KCNG2: variants seen among roughly 807,000 people sequenced by gnomAD.
KCNG2 encodes the protein potassium voltage-gated channel modifier subfamily G member 2.
In KCNG2, 7 loss-of-function variants were observed where a neutral mutation model predicts 12.3. The observed-to-expected ratio is 0.57, with a 90% confidence interval of 0.32 to 1.07. KCNG2 has a LOEUF of 1.07. KCNG2 is among the 50% of genes least tolerant of loss of function. The probability of loss-of-function intolerance (pLI) is 0.04; values close to 1 mark genes in which losing one functional copy is unlikely to be tolerated. For missense variants in KCNG2, 703 were observed against 726.0 expected, an observed-to-expected ratio of 0.97 and a Z score of 0.36; for synonymous variants, 414 against 351.4, an observed-to-expected ratio of 1.18 and a Z score of -1.99.
chr18:79,817,213 C>T (rs113920299), intron 1 of KCNG2, among the ~76,000 whole-genome samples: 5 of 101,576 alleles, frequency 4.9e-5, no homozygotes, highest in African/African-American at 1.4e-4. Context: ...GGTTGTCACA[C>T]GGCTGCCACA....
intron 1 of KCNG2, among the ~76,000 whole-genome samples, chr18:79,809,382 C>T (rs2087474119): frequency 6.9e-6 from 1 of 145,700 alleles, no homozygotes. Flanking sequence ...CCAGAGTCCT[C>T]GCTCTGAGGA....
intron 3 of KCNG2, among the ~76,000 whole-genome samples, chr18:79,868,182 C>T (rs1979685979): frequency 6.6e-6 from 1 of 152,220 alleles, no homozygotes; most frequent in African/African-American, 2.4e-5. Context: ...CCAGGAACAC[C>T]AGCCCTAACC....
chr18:79,837,040 C>T (rs1055973106), intron 1 of KCNG2, among the ~76,000 whole-genome samples: 1 of 152,180 alleles, frequency 6.6e-6, no homozygotes, highest in Non-Finnish European at 1.5e-5. Context: ...ACAAGTCCCT[C>T]CCACCTATGA....
At chr18:79,809,736 C>G (rs973882822) in intron 1 of KCNG2, among the ~76,000 whole-genome samples, 1 of 152,246 alleles carries the variant, frequency 6.6e-6, no homozygotes, top group Non-Finnish European at 1.5e-5. Context: ...GCAATCTTCA[C>G]GCCCACTCAA....
intron 3 of KCNG2, among the ~76,000 whole-genome samples, chr18:79,873,003 G>A (rs550962669): frequency 6.6e-6 from 1 of 152,310 alleles, no homozygotes; most frequent in South Asian, 2.1e-4. Flanking sequence ...AGCAGGAGTG[G>A]TCAGTGTGCA....
At chr18:79,883,586 G>A (rs1170297098) in intron 3 of KCNG2, among the ~76,000 whole-genome samples, 1 of 152,218 alleles carries the variant, frequency 6.6e-6, no homozygotes, top group Non-Finnish European at 1.5e-5. Context: ...CCGTGACCCA[G>A]GGGACACTTG....
intron 3 of KCNG2, 120 bp from the exon 4 acceptor site, chr18:79,898,920 G>T (rs998419038): frequency 3.1e-5 from 22 of 702,538 alleles, no homozygotes; most frequent in Non-Finnish European, 4.5e-5. Context: ...ACCCGCTTCC[G>T]TGGGTTGGGG....
chr18:79,848,767 TG>T (rs760628251), intron 1 of KCNG2, among the ~76,000 whole-genome samples: 9 of 152,072 alleles, frequency 5.9e-5, no homozygotes, highest in Non-Finnish European at 1.3e-4. Context: ...TCGCCATGCC[TG>T]CCCCCGGGAG....
intron 1 of KCNG2, among the ~76,000 whole-genome samples, chr18:79,840,913 C>T (rs1978440862): frequency 6.6e-6 from 1 of 152,122 alleles, no homozygotes; most frequent in Admixed American, 6.5e-5. Flanking sequence ...AATCCCACAC[C>T]TTATACAAAA....
intron 1 of KCNG2, among the ~76,000 whole-genome samples, chr18:79,802,781 C>T (rs1406493690): frequency 6.6e-6 from 1 of 151,418 alleles, no homozygotes; most frequent in East Asian, 1.9e-4. Context: ...TGCAGATTAA[C>T]AGGAAAAAAT....
rs544952689 is a variant in KCNG2 at position 79,899,757 on chromosome 18, G to A, written c.1342G>A (p.Asp448Asn). The A allele has an allele frequency of 7.0e-6, 11 of 1,569,186 alleles. No homozygotes were observed. The highest frequency in any genetic ancestry group is 3.6e-5 in the Admixed American group (2 of 55,136). Residue 448 changes from aspartate (D) to asparagine (N), a missense_variant, in exon 4 of 4, where the codon GAC (aspartate) becomes AAC (asparagine). Asp to Asn is a conservative substitution (Grantham distance 23). Transcript: ENST00000316249. ...CACCGAGGACAGCTCGCAGGGCCCC[G>A]ACAGCGCGGGCCTGGCCGACGACTC... ...TATEDSSQGP[D>N]SAGLADDSAD...
intron 1 of KCNG2, among the ~76,000 whole-genome samples, chr18:79,827,106 G>A (rs1978286749): frequency 6.6e-6 from 1 of 152,228 alleles, no homozygotes. Flanking sequence ...CCTCTATGGG[G>A]TGGTGACAGC....
intron 3 of KCNG2, among the ~76,000 whole-genome samples, chr18:79,889,657 A>G (rs1315623450): frequency 6.6e-6 from 1 of 152,232 alleles, no homozygotes; most frequent in Non-Finnish European, 1.5e-5. Flanking sequence ...TTTTCTATAT[A>G]CGAGGTCCTG....
At chr18:79,865,701 C>A (rs1979476761) in intron 3 of KCNG2, among the ~76,000 whole-genome samples, 1 of 131,802 alleles carries the variant, frequency 7.6e-6, no homozygotes, top group African/African-American at 2.9e-5. Context: ...GGTCTGGGTG[C>A]TGAGGCCTGG....
intron 2 of KCNG2, among the ~76,000 whole-genome samples, 144 bp downstream of exon 2, chr18:79,856,596 C>T (rs1398923791): frequency 6.6e-6 from 1 of 152,182 alleles, no homozygotes; most frequent in East Asian, 1.9e-4. Flanking sequence ...TGTTGACACA[C>T]ACCTGTCAAA....
intron 1 of KCNG2, among the ~76,000 whole-genome samples, chr18:79,823,101 T>C (rs991870371): frequency 5.3e-5 from 8 of 152,186 alleles, no homozygotes; most frequent in African/African-American, 1.9e-4. Context: ...AGCTGGCCCC[T>C]GTCTTACACC....
intron 1 of KCNG2, among the ~76,000 whole-genome samples, chr18:79,817,469 CA>C (rs1377625736): frequency 1.3e-5 from 2 of 152,046 alleles, no homozygotes; most frequent in Non-Finnish European, 2.9e-5. Flanking sequence ...CCGTTACACC[CA>C]TGGTTGTCAC....
intron 2 of KCNG2, among the ~76,000 whole-genome samples, chr18:79,861,188 A>G (rs1979203760): frequency 6.6e-6 from 1 of 151,488 alleles, no homozygotes; most frequent in African/African-American, 2.4e-5. Flanking sequence ...AATGGTCATC[A>G]TGTATAATCC....
intron 2 of KCNG2, among the ~76,000 whole-genome samples, chr18:79,860,114 C>A (rs536330185): frequency 5.9e-5 from 9 of 152,088 alleles, no homozygotes; most frequent in African/African-American, 2.2e-4. Context: ...AACAAGGTTG[C>A]GGGGTAGGTA....
Sources: allele counts gnomAD v4.1 joint callset (sites outside exome capture counted in the v4.1 genomes callset), GRCh38; gene constraint gnomAD v4.1.1; transcripts MANE v1.5; gene names NCBI Gene and HGNC (gene_info 2026-07-23, HGNC 2026-07-21).